L3MBTL4: variants seen among roughly 807,000 people sequenced by gnomAD.
L3MBTL4 encodes the protein lethal(3)malignant brain tumor-like protein 4.
Under a neutral mutation model 84.5 loss-of-function variants are expected in L3MBTL4, and 70 were observed. The observed-to-expected ratio is 0.83, with a 90% CI of 0.68 to 1.01. L3MBTL4 has a LOEUF of 1.01. Among genes scored for constraint, L3MBTL4 ranks in the 50% least tolerant of loss-of-function variants. The pLI, the probability that L3MBTL4 is intolerant of heterozygous loss-of-function variation, is 0.00. For missense variants in L3MBTL4, 715 were observed against 754.8 expected (o/e 0.95, Z 0.62); for synonymous variants, 274 against 259.8 (o/e 1.05, Z -0.52).
intron 4 of L3MBTL4, among the ~76,000 whole-genome samples, chr18:6,267,460 G>C (rs1016374512): frequency 5.3e-5 from 8 of 152,184 alleles, no homozygotes; most frequent in Admixed American, 2.0e-4. Context: ...TTGCCAGAGA[G>C]AGAAAGCAAT....
At chr18:6,355,284 T>A (rs2053388174) in intron 1 of L3MBTL4, among the ~76,000 whole-genome samples, 1 of 152,200 alleles carries the variant, frequency 6.6e-6, no homozygotes, top group Non-Finnish European at 1.5e-5. Context: ...TATCAAAACA[T>A]CTCATGTCTC....
At chr18:6,319,703 C>A (rs1398576046) in intron 1 of L3MBTL4, among the ~76,000 whole-genome samples, 1 of 152,028 alleles carries the variant, frequency 6.6e-6, no homozygotes, top group Admixed American at 6.5e-5. Context: ...ACCAGACATT[C>A]AAAGAATTGG....
At chr18:6,291,788 G>A (rs1330047071) in intron 4 of L3MBTL4, among the ~76,000 whole-genome samples, 1 of 152,080 alleles carries the variant, frequency 6.6e-6, no homozygotes, top group Non-Finnish European at 1.5e-5. Flanking sequence ...CATTAGTCTG[G>A]GCAAAGATTT....
At chr18:6,205,703 G>C (rs2045847275) in intron 12 of L3MBTL4, among the ~76,000 whole-genome samples, 1 of 152,158 alleles carries the variant, frequency 6.6e-6, no homozygotes, top group East Asian at 1.9e-4. Flanking sequence ...AGAAGGAATG[G>C]GGGAGAATGT....
At chr18:6,046,758 TGAAGA>T (rs773930815) in intron 16 of L3MBTL4, 12 of 774,942 alleles carry the variant, frequency 1.5e-5, no homozygotes, top group Admixed American at 1.0e-4. Flanking sequence ...ACAAGCACTG[TGAAGA>T]GAAAAGTTTA....
intron 18 of L3MBTL4, among the ~76,000 whole-genome samples, chr18:5,956,732 G>A (rs964134596): frequency 1.3e-5 from 2 of 152,114 alleles, no homozygotes; most frequent in Non-Finnish European, 2.9e-5. Context: ...AAATCTCCAG[G>A]AATTTTTCCC....
chr18:6,132,624 T>C (rs2059908207), intron 14 of L3MBTL4, among the ~76,000 whole-genome samples: 1 of 152,242 alleles, frequency 6.6e-6, no homozygotes, highest in African/African-American at 2.4e-5. Context: ...TTTATATTCT[T>C]CTCATTCATT....
intron 1 of L3MBTL4, among the ~76,000 whole-genome samples, chr18:6,381,945 G>T (rs1470314619): frequency 1.3e-5 from 2 of 152,130 alleles, no homozygotes; most frequent in East Asian, 1.9e-4. Flanking sequence ...TGGTTCCATT[G>T]TCTCCATCAC....
At chr18:6,287,771 T>C (rs1410818508) in intron 4 of L3MBTL4, among the ~76,000 whole-genome samples, 1 of 152,244 alleles carries the variant, frequency 6.6e-6, no homozygotes, top group East Asian at 1.9e-4. Context: ...ATACAGGATA[T>C]TGGTATCGGA....
chr18:6,094,688 T>C (rs922464687), intron 14 of L3MBTL4, among the ~76,000 whole-genome samples: 1 of 152,050 alleles, frequency 6.6e-6, no homozygotes, highest in African/African-American at 2.4e-5. Flanking sequence ...GATAAAATTG[T>C]GGACTAGAAC....
At chr18:6,132,797 T>C (rs1290362072) in intron 14 of L3MBTL4, among the ~76,000 whole-genome samples, 4 of 152,110 alleles carry the variant, frequency 2.6e-5, no homozygotes, top group Non-Finnish European at 5.9e-5. Flanking sequence ...AAGTGCAGCA[T>C]GCCCATTGTG....
In L3MBTL4 at chr18:6,331,745, TA is replaced by T. The variant is rs150945267; in HGVS notation, c.-90-19690del. Among the ~76,000 whole-genome samples, 1,206 of 152,006 alleles carry T rather than the reference TA, an allele frequency of 7.9e-3. 18 individuals are homozygous for T. Among genetic ancestry groups the T allele is most frequent in the African/African-American group, 0.028 (1,163 of 41,466 alleles). ...AAGAAGTAAATACAAAATCTGGAAA[TA>T]AAATGCATAATACAGTATGAAAGCA... On this transcript the variant is annotated intron_variant, in intron 1 of 18. Transcript: ENST00000317931.
At chr18:6,362,394 G>T (rs888554003) in intron 1 of L3MBTL4, among the ~76,000 whole-genome samples, 1 of 152,120 alleles carries the variant, frequency 6.6e-6, no homozygotes, top group African/African-American at 2.4e-5. Context: ...GAGAGCTCAC[G>T]TAGACCATCT....
intron 14 of L3MBTL4, among the ~76,000 whole-genome samples, chr18:6,116,245 G>A (rs190852316): frequency 6.6e-6 from 1 of 152,266 alleles, no homozygotes; most frequent in African/African-American, 2.4e-5. Flanking sequence ...GAGTGGCACT[G>A]TAACCAGAGT....
chr18:6,337,412 G>GT (rs2052394624), intron 1 of L3MBTL4, among the ~76,000 whole-genome samples: 3 of 151,990 alleles, frequency 2.0e-5, no homozygotes, highest in Non-Finnish European at 4.4e-5. Context: ...TAAACAGAAT[G>GT]AACAAGCAAT....
intron 13 of L3MBTL4, among the ~76,000 whole-genome samples, chr18:6,146,186 A>G (rs571025209): frequency 6.6e-6 from 1 of 152,278 alleles, no homozygotes; most frequent in South Asian, 2.1e-4. Flanking sequence ...TGGAGAGGGG[A>G]TCGGTGAGAA....
At chr18:6,224,010 G>A (rs1051004401) in intron 10 of L3MBTL4, among the ~76,000 whole-genome samples, 1 of 152,064 alleles carries the variant, frequency 6.6e-6, no homozygotes, top group Non-Finnish European at 1.5e-5. Flanking sequence ...CCATTTGCTC[G>A]GTGGGAGTAA....
chr18:6,184,805 C>T (rs1170543042), intron 12 of L3MBTL4, among the ~76,000 whole-genome samples: 1 of 152,086 alleles, frequency 6.6e-6, no homozygotes, highest in Non-Finnish European at 1.5e-5. Context: ...GTCAGAACCC[C>T]GCGTAAAAGT....
At chr18:5,961,221 G>A (rs1178215798) in intron 17 of L3MBTL4, among the ~76,000 whole-genome samples, 3 of 152,172 alleles carry the variant, frequency 2.0e-5, no homozygotes, top group Non-Finnish European at 2.9e-5. Flanking sequence ...TTATCAACAC[G>A]TCCCACCCTC....
Sources: gnomAD v4.1 joint callset for allele counts (sites outside exome capture counted in the v4.1 genomes callset) on GRCh38, gnomAD v4.1.1 for gene constraint, MANE v1.5 for transcripts, NCBI Gene and HGNC (gene_info 2026-07-23, HGNC 2026-07-21) for gene names.